The following NEK10 variants were observed in gnomAD, a reference collection of about 807,000 sequenced individuals.
NEK10 encodes the protein serine/threonine-protein kinase Nek10.
In NEK10, 122 loss-of-function variants were observed where a neutral mutation model predicts 159.8. The observed-to-expected ratio is 0.76, with a 90% CI of 0.66 to 0.89. The LOEUF is 0.89. Among genes scored for constraint, NEK10 ranks in the 40% least tolerant of loss-of-function variants. The pLI is 0.00. For synonymous variants in NEK10, 466 were observed against 457.1 expected (o/e 1.02, Z -0.25); for missense variants, 1,342 against 1,323.1 (o/e 1.01, Z -0.22).
intron 30 of NEK10, among the ~76,000 whole-genome samples, chr3:27,147,326 G>A (rs1410623612): frequency 6.6e-6 from 1 of 152,154 alleles, no homozygotes; most frequent in Non-Finnish European, 1.5e-5. Context: ...AGGATATGAT[G>A]CATGGACAAT....
At chr3:27,232,914 A>G (rs947664059) in intron 23 of NEK10, among the ~76,000 whole-genome samples, 2 of 152,244 alleles carry the variant, frequency 1.3e-5, no homozygotes, top group Admixed American at 1.3e-4. Context: ...AATCAAATCA[A>G]GATGGATCAA....
At chr3:27,147,599 T>C (rs1944428367) in intron 30 of NEK10, among the ~76,000 whole-genome samples, 3 of 152,360 alleles carry the variant, frequency 2.0e-5, no homozygotes, top group Admixed American at 1.3e-4. Flanking sequence ...AACTCTTGAA[T>C]TCTGGCTGAG....
chr3:27,246,187 T>A (rs531777157), intron 23 of NEK10, among the ~76,000 whole-genome samples: 1 of 152,282 alleles, frequency 6.6e-6, no homozygotes, highest in Non-Finnish European at 1.5e-5. Flanking sequence ...AAATGCATAA[T>A]GTACAATGGC....
At chr3:27,206,733 T>C in intron 23 of NEK10, 2 of 461,242 alleles carry the variant, frequency 4.3e-6, no homozygotes, top group Non-Finnish European at 5.7e-6. Flanking sequence ...CAGTGGACTC[T>C]AAACAATTTG....
chr3:27,301,258 TC>T (rs1471125163), intron 13 of NEK10, among the ~76,000 whole-genome samples: 7 of 152,188 alleles, frequency 4.6e-5, no homozygotes, highest in African/African-American at 1.7e-4. Flanking sequence ...TTCAGTCTTC[TC>T]TTTGGAGCTC....
chr3:27,254,964 T>C (rs2149317758), intron 23 of NEK10: 1 of 155,186 alleles, frequency 6.4e-6, no homozygotes, highest in Non-Finnish European at 1.4e-5. Context: ...GTTGATACTA[T>C]CATATGAGCA....
chr3:27,320,621 G>A lies in NEK10; in HGVS notation c.447+1556C>T, dbSNP rs116722211. Among the ~76,000 whole-genome samples, 1,518 of 152,264 alleles carry A rather than the reference G, an allele frequency of 1.0e-2. 31 individuals are homozygous for A. Among genetic ancestry groups the A allele is most frequent in the African/African-American group, 0.035 (1,441 of 41,548 alleles). ...TGCATGGAACACACAGTTCTGTATG[G>A]TTGGTCACAGGAAAATAAGGATGCT... On this transcript the variant is annotated intron_variant, in intron 6 of 35. Coordinates refer to ENST00000691995, the MANE Select transcript of NEK10 (RefSeq NM_001394966.1).
chr3:27,326,648 C>T (rs2046021587), intron 5 of NEK10, among the ~76,000 whole-genome samples: 1 of 152,150 alleles, frequency 6.6e-6, no homozygotes, highest in South Asian at 2.1e-4. Context: ...AGAAAAATCT[C>T]AGAGTTGAAA....
intron 22 of NEK10, among the ~76,000 whole-genome samples, chr3:27,261,898 G>A (rs36173154): frequency 0.041 from 6,207 of 152,118 alleles, 184 homozygotes; most frequent in African/African-American, 0.074. Flanking sequence ...TTTATCAATC[G>A]GGGTACCCCT....
intron 23 of NEK10, among the ~76,000 whole-genome samples, chr3:27,223,292 T>C (rs918048206): frequency 2.6e-5 from 4 of 152,176 alleles, no homozygotes. Flanking sequence ...TAACCACACC[T>C]CCTGTTCTCA....
intron 7 of NEK10, among the ~76,000 whole-genome samples, 187 bp downstream of exon 7, chr3:27,314,110 A>C (rs1283851119): frequency 1.3e-5 from 2 of 152,110 alleles, no homozygotes; most frequent in Non-Finnish European, 2.9e-5. Flanking sequence ...GCCAGAACAA[A>C]ATGTGGTGGG....
At chr3:27,347,044 G>A (rs1398127581) in intron 3 of NEK10, among the ~76,000 whole-genome samples, 1 of 152,134 alleles carries the variant, frequency 6.6e-6, no homozygotes, top group Non-Finnish European at 1.5e-5. Context: ...TTTTTCCAAA[G>A]TACAAATGAA....
chr3:27,223,598 T>C (rs1216643574), intron 23 of NEK10, among the ~76,000 whole-genome samples: 1 of 152,218 alleles, frequency 6.6e-6, no homozygotes, highest in African/African-American at 2.4e-5. Context: ...TACTTTCTTC[T>C]AGTTTTTTTT....
intron 32 of NEK10, 32 bp from the exon 33 acceptor site, chr3:27,119,900 T>C: frequency 2.0e-6 from 3 of 1,514,900 alleles, no homozygotes; most frequent in Non-Finnish European, 2.8e-6. Context: ...CACATCTTAG[T>C]TTACACTCAG....
intron 23 of NEK10, chr3:27,214,952 C>A: frequency 1.2e-6 from 1 of 846,084 alleles, no homozygotes. Context: ...AATCCAAAAC[C>A]AGTGCCTATC....
At chr3:27,259,005 C>A (rs971956473) in intron 22 of NEK10, among the ~76,000 whole-genome samples, 1 of 152,064 alleles carries the variant, frequency 6.6e-6, no homozygotes, top group Non-Finnish European at 1.5e-5. Context: ...CCTTTGGCTT[C>A]ATAAATGTCT....
At chr3:27,259,606 GT>G (rs1401300248) in intron 22 of NEK10, among the ~76,000 whole-genome samples, 5 of 152,190 alleles carry the variant, frequency 3.3e-5, no homozygotes. Context: ...GTACCATGCT[GT>G]TTTGGCTACC....
intron 23 of NEK10, among the ~76,000 whole-genome samples, chr3:27,213,040 C>T (rs540259166): frequency 6.6e-5 from 10 of 152,318 alleles, no homozygotes; most frequent in Non-Finnish European, 1.2e-4. Flanking sequence ...TCTTCATTTA[C>T]ATAGGGGATA....
chr3:27,324,414 G>A (rs1337496893), intron 5 of NEK10, among the ~76,000 whole-genome samples: 2 of 152,140 alleles, frequency 1.3e-5, no homozygotes, highest in African/African-American at 4.8e-5. Context: ...GTCTGAAATT[G>A]ACTTCATGAA....
Sources: gnomAD v4.1 joint callset for allele counts (sites outside exome capture counted in the v4.1 genomes callset) on GRCh38, gnomAD v4.1.1 for gene constraint, MANE v1.5 for transcripts, NCBI Gene and HGNC (gene_info 2026-07-23, HGNC 2026-07-21) for gene names.